Variants in TBL1XR1 observed in about 807,000 individuals in gnomAD.
The protein encoded by TBL1XR1 is F-box-like/WD repeat-containing protein TBL1XR1.
A neutral mutation model predicts 66.9 loss-of-function variants in TBL1XR1; 5 were observed. The ratio of observed to expected loss-of-function variants is 0.07; its 90% CI spans 0.04 to 0.16. The LOEUF is 0.16. Among genes scored for constraint, TBL1XR1 ranks in the 10% least tolerant of loss-of-function variants. The pLI, the probability that TBL1XR1 is intolerant of heterozygous loss-of-function variation, is 1.00. For synonymous variants in TBL1XR1, 210 were observed against 206.0 expected, an observed-to-expected ratio of 1.02 and a Z score of -0.17; for missense variants, 238 against 623.2, an observed-to-expected ratio of 0.38 and a Z score of 6.58.
intron 3 of TBL1XR1, among the ~76,000 whole-genome samples, chr3:177,058,948 C>G (rs147093168): frequency 2.2e-3 from 338 of 152,282 alleles, no homozygotes; most frequent in Admixed American, 4.8e-3. Flanking sequence ...TTGTAATTAT[C>G]AGCATTTATG....
At chr3:177,056,134 T>C (rs1200982468) in intron 3 of TBL1XR1, among the ~76,000 whole-genome samples, 1 of 152,204 alleles carries the variant, frequency 6.6e-6, no homozygotes, top group African/African-American at 2.4e-5. Flanking sequence ...CATGAAACAC[T>C]GAGCCATCTT....
At chr3:177,112,949 G>A (rs961766703) in intron 1 of TBL1XR1, among the ~76,000 whole-genome samples, 4 of 151,960 alleles carry the variant, frequency 2.6e-5, no homozygotes, top group Non-Finnish European at 5.9e-5. Context: ...GGAGGCAGAG[G>A]TTGCTGTGAG....
At chr3:177,156,932 TG>T (rs1731592090) in intron 1 of TBL1XR1, among the ~76,000 whole-genome samples, 1 of 152,232 alleles carries the variant, frequency 6.6e-6, no homozygotes, top group Admixed American at 6.5e-5. Flanking sequence ...TCTTGCTAGA[TG>T]ATGAATTACC....
intron 1 of TBL1XR1, among the ~76,000 whole-genome samples, chr3:177,141,474 A>G (rs997802292): frequency 8.5e-5 from 13 of 152,248 alleles, no homozygotes; most frequent in African/African-American, 2.9e-4. Flanking sequence ...CTCAAGTGTT[A>G]TTAAACTACA....
chr3:177,195,076 A>G (rs971930822), intron 1 of TBL1XR1, among the ~76,000 whole-genome samples: 5 of 152,126 alleles, frequency 3.3e-5, no homozygotes, highest in Non-Finnish European at 7.4e-5. Context: ...TTCGTCCCCC[A>G]TACAGTTTAG....
intron 2 of TBL1XR1, among the ~76,000 whole-genome samples, chr3:177,087,714 C>A (rs916039653): frequency 6.6e-6 from 1 of 151,338 alleles, no homozygotes; most frequent in African/African-American, 2.4e-5. Flanking sequence ...TTAAATCATG[C>A]AATCTTATCC....
intron 1 of TBL1XR1, among the ~76,000 whole-genome samples, chr3:177,138,026 G>C (rs1262306087): frequency 6.6e-6 from 1 of 152,136 alleles, no homozygotes; most frequent in African/African-American, 2.4e-5. Flanking sequence ...ACTGGATGAT[G>C]ATAAATTCTA....
chr3:177,053,017 G>A (rs1423512444), intron 4 of TBL1XR1, among the ~76,000 whole-genome samples: 3 of 152,138 alleles, frequency 2.0e-5, no homozygotes, highest in African/African-American at 4.8e-5. Context: ...CAGGACAATC[G>A]CTTGAACCCA....
intron 1 of TBL1XR1, among the ~76,000 whole-genome samples, chr3:177,103,413 T>G (rs1724476425): frequency 6.6e-6 from 1 of 152,248 alleles, no homozygotes; most frequent in Non-Finnish European, 1.5e-5. Flanking sequence ...AAAAATGTAT[T>G]TCAGAGCATT....
At chr3:177,050,259 T>G in intron 6 of TBL1XR1, 121 bp from the exon 7 acceptor site, 1 of 1,370,796 alleles carries the variant, frequency 7.3e-7, no homozygotes, top group Non-Finnish European at 9.9e-7. Flanking sequence ...AATTTTCATT[T>G]CCAGTATTTT....
At chr3:177,044,069 T>C (rs1462133966) in intron 10 of TBL1XR1, among the ~76,000 whole-genome samples, 1 of 152,204 alleles carries the variant, frequency 6.6e-6, no homozygotes, top group Admixed American at 6.5e-5. Flanking sequence ...CTATGTTCTC[T>C]GCGTTTTTGG....
chr3:177,140,825 C>T (rs543527300), intron 1 of TBL1XR1, among the ~76,000 whole-genome samples: 1 of 152,094 alleles, frequency 6.6e-6, no homozygotes. Context: ...TTCAAAATCA[C>T]GTAGTTGCAA....
intron 8 of TBL1XR1, 23 bp from the exon 9 acceptor site, chr3:177,047,420 TAAC>T (rs753252487): frequency 6.3e-7 from 1 of 1,599,396 alleles, no homozygotes; most frequent in South Asian, 1.1e-5. Context: ...AGAAAAACAT[TAAC>T]ATTATTTTAA....
intron 2 of TBL1XR1, among the ~76,000 whole-genome samples, chr3:177,090,564 C>T (rs564605982): frequency 2.7e-4 from 40 of 150,628 alleles, no homozygotes; most frequent in African/African-American, 8.5e-4. Flanking sequence ...GGCTCACATC[C>T]GTAATCAAGA....
At chr3:177,089,358 C>T (rs971989042) in intron 2 of TBL1XR1, among the ~76,000 whole-genome samples, 13 of 152,104 alleles carry the variant, frequency 8.5e-5, no homozygotes, top group African/African-American at 2.9e-4. Context: ...CCCTGCCCTC[C>T]GCAAAGCCTA....
intron 1 of TBL1XR1, among the ~76,000 whole-genome samples, chr3:177,187,430 G>C (rs763825033): frequency 6.7e-6 from 1 of 149,016 alleles, no homozygotes; most frequent in Non-Finnish European, 1.5e-5. Flanking sequence ...TCTTAATAAA[G>C]GAATTGAAGT....
chr3:177,141,789 C>CCGAAAGTCGGG (rs1189657799), intron 1 of TBL1XR1, among the ~76,000 whole-genome samples: 1 of 152,160 alleles, frequency 6.6e-6, no homozygotes, highest in African/African-American at 2.4e-5. Flanking sequence ...TTCACAATAG[C>CCGAAAGTCGGG]CGAAAGTCGG....
chr3:177,123,827 T>C (rs7644982), intron 1 of TBL1XR1, among the ~76,000 whole-genome samples: 53,726 of 151,830 alleles, frequency 0.35, 10,191 homozygotes, highest in Middle Eastern at 0.47. Context: ...ATTTACAAAA[T>C]AAGAACATAA....
At chr3:177,177,008 G>A (rs1010852708) in intron 1 of TBL1XR1, among the ~76,000 whole-genome samples, 6 of 152,116 alleles carry the variant, frequency 3.9e-5, no homozygotes, top group African/African-American at 1.4e-4. Flanking sequence ...TAGCAGGGCT[G>A]TTGACAGAGA....
Sources: allele counts gnomAD v4.1 joint callset (sites outside exome capture counted in the v4.1 genomes callset), GRCh38; gene constraint gnomAD v4.1.1; transcripts MANE v1.5; gene names NCBI Gene and HGNC (gene_info 2026-07-23, HGNC 2026-07-21).